The following CLHC1 variants were observed in gnomAD, a reference collection of about 807,000 sequenced individuals.
The protein encoded by CLHC1 is clathrin heavy chain linker domain-containing protein 1.
Under a neutral mutation model 69.5 loss-of-function variants are expected in CLHC1, and 72 were observed. The ratio of observed to expected loss-of-function variants is 1.04; its 90% CI spans 0.86 to 1.26. CLHC1 has a LOEUF of 1.26. Ranked by LOEUF, CLHC1 falls within the 50% of genes most tolerant of loss-of-function variation. The pLI, the probability that CLHC1 is intolerant of heterozygous loss-of-function variation, is 0.00. For synonymous variants in CLHC1, 223 were observed against 224.3 expected (o/e 0.99, Z 0.05); for missense variants, 790 against 679.3 (o/e 1.16, Z -1.81).
intron 8 of CLHC1, among the ~76,000 whole-genome samples, chr2:55,207,272 A>G (rs945963042): frequency 2.0e-5 from 3 of 152,206 alleles, no homozygotes; most frequent in Non-Finnish European, 4.4e-5. Flanking sequence ...TCCTCTTCCT[A>G]TGGCAAAAGG....
intron 2 of CLHC1, 29 bp from the exon 3 acceptor site, chr2:55,222,522 A>G: frequency 1.3e-6 from 1 of 744,372 alleles, no homozygotes; most frequent in South Asian, 2.1e-5. Context: ...ATCAATTAAT[A>G]TAATAATTTT....
intron 9 of CLHC1, among the ~76,000 whole-genome samples, chr2:55,191,944 T>C (rs776835904): frequency 3.3e-5 from 5 of 152,064 alleles, no homozygotes; most frequent in Non-Finnish European, 7.4e-5. Flanking sequence ...TGGGTTGTAA[T>C]GCACTAAGAT....
At chr2:55,227,564 G>T (rs908664822) in intron 2 of CLHC1, among the ~76,000 whole-genome samples, 10 of 151,630 alleles carry the variant, frequency 6.6e-5, no homozygotes. Flanking sequence ...TATAATCCCA[G>T]CTACTCAGGA....
Position 55,206,244 on chromosome 2 carries a change from T to C in CLHC1, c.1006+26A>G, listed in dbSNP as rs373076098. The C allele has an allele frequency of 5.3e-6, 7 of 1,309,760 alleles. No individual in the cohort carries two copies. The African/African-American group carries it at 5.8e-5, about 11-fold the overall frequency. The allele number at this position is 1,309,760 out of a possible 1,614,324, so 81.1% of individuals were successfully genotyped here. A position where few individuals can be genotyped will look rare whatever the true frequency, so the allele number is the denominator to read the frequency against. On this transcript the variant is annotated intron_variant, in intron 9 of 12. Transcript: ENST00000401408. ...AAAAAGTAGTAAATTTTCATACATATATAAGGTTCAGAGAGAAATGCTTAC... is the reference window on the plus strand; with the variant it reads ...AAAAAGTAGTAAATTTTCATACATACATAAGGTTCAGAGAGAAATGCTTAC...
intron 5 of CLHC1, 35 bp downstream of exon 5, chr2:55,212,638 G>A (rs1271580071): frequency 4.6e-6 from 7 of 1,530,376 alleles, no homozygotes; most frequent in Non-Finnish European, 4.5e-6. Flanking sequence ...AAATAATCAG[G>A]ATTTCTCTCA....
chr2:55,232,526 A>G, upstream of CLHC1: 1 of 506,470 alleles, frequency 2.0e-6, no homozygotes, highest in African/African-American at 1.9e-5. Flanking sequence ...AAAGTGAGAA[A>G]TAAGCCCAGG....
At chr2:55,205,302 G>C (rs1471194276) in intron 9 of CLHC1, among the ~76,000 whole-genome samples, 1 of 151,872 alleles carries the variant, frequency 6.6e-6, no homozygotes, top group African/African-American at 2.4e-5. Context: ...ATATGAAAAA[G>C]ACACCTGCAT....
chr2:55,189,529 T>A (rs747470136), intron 9 of CLHC1, among the ~76,000 whole-genome samples: 1 of 152,226 alleles, frequency 6.6e-6, no homozygotes, highest in Non-Finnish European at 1.5e-5. Flanking sequence ...CTCAGTTTAC[T>A]GCCTGGAGAA....
chr2:55,182,052 G>A (rs1230962271), intron 9 of CLHC1, among the ~76,000 whole-genome samples: 1 of 151,960 alleles, frequency 6.6e-6, no homozygotes, highest in East Asian at 1.9e-4. Flanking sequence ...GCCTCCAGAA[G>A]GAATGAACCC....
chr2:55,194,126 C>T (rs1467823072), intron 9 of CLHC1, among the ~76,000 whole-genome samples: 1 of 151,924 alleles, frequency 6.6e-6, no homozygotes, highest in Admixed American at 6.6e-5. Flanking sequence ...GAAGAAGAGG[C>T]CAGGGAATGA....
intron 5 of CLHC1, among the ~76,000 whole-genome samples, chr2:55,211,502 C>CAAAAA (rs35216255): frequency 6.1e-5 from 5 of 82,258 alleles, no homozygotes; most frequent in African/African-American, 1.5e-4. Context: ...ACTATGTCTC[C>CAAAAA]AAAAAAAAAA....
At chr2:55,225,130 G>T (rs116702719) in intron 2 of CLHC1, 3,950 of 153,614 alleles carry the variant, frequency 0.026, 77 homozygotes, top group Non-Finnish European at 0.036. Flanking sequence ...CTAAGTGAGT[G>T]CTGCTCAGAT....
At chr2:55,196,767 C>T (rs921446946) in intron 9 of CLHC1, among the ~76,000 whole-genome samples, 1 of 152,126 alleles carries the variant, frequency 6.6e-6, no homozygotes, top group Admixed American at 6.6e-5. Flanking sequence ...CAGCACATTC[C>T]CAGCTGTAAT....
intron 9 of CLHC1, among the ~76,000 whole-genome samples, chr2:55,186,952 T>C (rs115997796): frequency 0.011 from 1,615 of 151,962 alleles, 8 homozygotes; most frequent in Non-Finnish European, 0.018. Context: ...TAAATAGTAC[T>C]AGAACAGAGA....
At position 55,177,747 on chromosome 2, in the gene CLHC1, TTGGGGACA is replaced by T; in HGVS notation, c.1411_1418del (p.Cys471SerfsTer2). 1 of 1,611,676 alleles carries T rather than the reference TTGGGGACA, an allele frequency of 6.2e-7. No homozygotes were observed. The highest frequency in any genetic ancestry group is 8.5e-7 in the Non-Finnish European group (1 of 1,178,908). Reference sequence around the variant, plus strand: ...TAGTGAGACACTGAATTAATTCAACTTGGGGACATGACATTAATAGCTGCAACAGGTCA... The same window carrying T: ...TAGTGAGACACTGAATTAATTCAACTTGACATTAATAGCTGCAACAGGTCA... On this transcript the variant is annotated frameshift_variant, in exon 12 of 13. Coordinates refer to ENST00000401408, the MANE Select transcript of CLHC1 (RefSeq NM_152385.4). LOFTEE classifies it high-confidence loss of function.
intron 4 of CLHC1, among the ~76,000 whole-genome samples, chr2:55,217,343 C>A (rs1172854710): frequency 6.6e-6 from 1 of 150,478 alleles, no homozygotes; most frequent in African/African-American, 2.4e-5. Flanking sequence ...TAGTGAGACC[C>A]CATCTCTATT....
At position 55,181,763 on chromosome 2, in the gene CLHC1, T is replaced by C; in HGVS notation, c.1007-19A>G. On this transcript the variant is annotated intron_variant, in intron 9 of 12. Transcript: ENST00000401408. ...CCAACAGCTACAGAAAGGAGAAAAT[T>C]TTCTGAGTCAAATACTTTAAGAAAT... is the stretch of plus-strand genomic sequence containing the variant. 4 of 1,598,732 alleles carry C rather than the reference T, an allele frequency of 2.5e-6. No homozygotes were observed. The highest frequency in any genetic ancestry group is 2.6e-6 in the Non-Finnish European group (3 of 1,171,738).
At chr2:55,216,153 G>T (rs1337977085) in intron 4 of CLHC1, 4 of 149,878 alleles carry the variant, frequency 2.7e-5, no homozygotes, top group Non-Finnish European at 5.9e-5. Context: ...GGGCATGGTG[G>T]CAAGAGCCTG....
chr2:55,208,591 T>C, intron 8 of CLHC1, 35 bp downstream of exon 8: 1 of 1,331,322 alleles, frequency 7.5e-7, no homozygotes, highest in Non-Finnish European at 1.1e-6. Flanking sequence ...TGAAAAAATA[T>C]AATTCTGAAA....
Sources: gnomAD v4.1 joint callset for allele counts (sites outside exome capture counted in the v4.1 genomes callset) on GRCh38, gnomAD v4.1.1 for gene constraint, MANE v1.5 for transcripts, NCBI Gene and HGNC (gene_info 2026-07-23, HGNC 2026-07-21) for gene names.